The following ZNF438 variants were observed in gnomAD, a reference collection of about 807,000 sequenced individuals.
The protein encoded by ZNF438 is zinc finger protein 438.
In ZNF438, 25 loss-of-function variants were observed where a neutral mutation model predicts 38.0. That is an observed-to-expected ratio of 0.66 (90% confidence interval 0.48 to 0.92). The LOEUF (loss-of-function observed/expected upper bound fraction) is 0.92, where lower values mean the gene tolerates loss of function less well. ZNF438 is among the 40% of genes least tolerant of loss of function. ZNF438 has a pLI of 0.00. For synonymous variants in ZNF438, 372 were observed against 364.1 expected (o/e 1.02, Z -0.25); for missense variants, 1,007 against 999.6 (o/e 1.01, Z -0.10).
At chr10:30,845,437 C>T (rs1339136025) in exon 6 of ZNF438, 5 of 1,614,160 alleles carry the variant, frequency 3.1e-6, no homozygotes, top group Admixed American at 1.7e-5. Flanking sequence ...ATTTCCTCTC[C>T]ATGAACATCA....
intron 4 of ZNF438, among the ~76,000 whole-genome samples, chr10:30,872,577 C>T (rs1227803148): frequency 1.3e-5 from 2 of 150,886 alleles, no homozygotes; most frequent in East Asian, 2.0e-4. Context: ...GGTGAAACCC[C>T]GTCTTGACTA....
chr10:30,963,392 C>CAAAAAAAAAAAAAAAAAAAA (rs753557823), intron 1 of ZNF438, among the ~76,000 whole-genome samples: 1 of 86,056 alleles, frequency 1.2e-5, no homozygotes. Context: ...AACTCCATCT[C>CAAAAAAAAAAAAAAAAAAAA]AAAAAAAAAA....
At chr10:31,022,443 T>C (rs552468005) in intron 1 of ZNF438, among the ~76,000 whole-genome samples, 242 of 152,186 alleles carry the variant, frequency 1.6e-3, no homozygotes, top group Non-Finnish European at 2.4e-3. Flanking sequence ...GTATTTTTAG[T>C]AGAGACAGGG....
At chr10:30,993,164 AAG>A (rs776362987) in intron 1 of ZNF438, among the ~76,000 whole-genome samples, 7 of 152,228 alleles carry the variant, frequency 4.6e-5, no homozygotes, top group Non-Finnish European at 1.0e-4. Context: ...CCATTTGCTA[AAG>A]AGATTCATAT....
intron 1 of ZNF438, among the ~76,000 whole-genome samples, chr10:30,953,712 T>C (rs1356607637): frequency 6.7e-6 from 1 of 149,192 alleles, no homozygotes; most frequent in Non-Finnish European, 1.5e-5. Context: ...GGACCAGAGG[T>C]GAGCAGAAGC....
At chr10:30,954,435 C>T (rs560837566) in intron 1 of ZNF438, among the ~76,000 whole-genome samples, 42 of 152,274 alleles carry the variant, frequency 2.8e-4, no homozygotes, top group South Asian at 8.3e-4. Context: ...ACCAGTAAAG[C>T]GTGGTTTCAG....
intron 1 of ZNF438, among the ~76,000 whole-genome samples, chr10:31,021,866 C>T (rs1022089858): frequency 1.3e-5 from 2 of 152,134 alleles, no homozygotes; most frequent in African/African-American, 4.8e-5. Flanking sequence ...TGACAAATGA[C>T]CAATTGAGAG....
chr10:30,986,012 T>C (rs371668269), intron 1 of ZNF438, among the ~76,000 whole-genome samples: 245 of 152,342 alleles, frequency 1.6e-3, no homozygotes, highest in Middle Eastern at 0.01. Flanking sequence ...TATTTACTAT[T>C]GTGTTACAAT....
At chr10:30,907,516 A>G (rs928154116) in intron 3 of ZNF438, among the ~76,000 whole-genome samples, 9 of 152,098 alleles carry the variant, frequency 5.9e-5, no homozygotes, top group African/African-American at 2.2e-4. Flanking sequence ...TGAAGGGGGA[A>G]ATTTTTAAAA....
intron 3 of ZNF438, among the ~76,000 whole-genome samples, chr10:30,889,811 A>G (rs572764003): frequency 6.6e-6 from 1 of 152,242 alleles, no homozygotes; most frequent in Non-Finnish European, 1.5e-5. Flanking sequence ...AAACCTGGGG[A>G]ACTGAGTGGG....
intron 2 of ZNF438, among the ~76,000 whole-genome samples, chr10:30,928,091 T>G (rs1372648659): frequency 6.6e-6 from 1 of 152,182 alleles, no homozygotes; most frequent in Non-Finnish European, 1.5e-5. Context: ...TTACTTTCTA[T>G]TTCATTAAGT....
chr10:30,997,107 G>A (rs969569649), intron 1 of ZNF438, among the ~76,000 whole-genome samples: 3 of 152,030 alleles, frequency 2.0e-5, no homozygotes, highest in Admixed American at 6.6e-5. Flanking sequence ...ATCTCAAGTG[G>A]ATAATCTAAT....
Position 30,863,078 on chromosome 10 carries a change from T to C in ZNF438, c.38-12711A>G, listed in dbSNP as rs540804392. On this transcript the variant is annotated intron_variant, in intron 4 of 5. Transcript: ENST00000413025. The stretch of plus-strand genomic sequence containing the variant: ...GCTGCACGTTTTTCTATACCTCAGC[T>C]TTTATGTCAAATAGTTCATGATTTG... Among the ~76,000 whole-genome samples the C allele has an allele frequency of 3.3e-5, 5 of 152,314 alleles. No individual in the cohort carries two copies. The South Asian group carries it at 1.0e-3, about 32-fold the overall frequency.
At chr10:30,949,716 A>G (rs1293365575) in intron 1 of ZNF438, among the ~76,000 whole-genome samples, 1 of 152,014 alleles carries the variant, frequency 6.6e-6, no homozygotes, top group Non-Finnish European at 1.5e-5. Flanking sequence ...ATATATATGC[A>G]CCCAATACAG....
intron 1 of ZNF438, among the ~76,000 whole-genome samples, chr10:30,966,168 C>T (rs1313773281): frequency 6.6e-6 from 1 of 151,676 alleles, no homozygotes; most frequent in African/African-American, 2.4e-5. Context: ...CCTGTCTCTA[C>T]AAAATGAAAA....
rs116701003 is a variant in ZNF438, at chr10:30,918,167, C to A, written c.-114-9152G>T. Reference sequence around the variant, plus strand: ...ATTTATTAGTTTATCCTTATGGCAGCACCATGCTATCTGGATTACTGCAGC... The same window carrying A: ...ATTTATTAGTTTATCCTTATGGCAGAACCATGCTATCTGGATTACTGCAGC... On this transcript the variant is annotated intron_variant, in intron 2 of 5. Coordinates refer to ENST00000413025, the Ensembl canonical transcript of ZNF438. Among the ~76,000 whole-genome samples the A allele has an allele frequency of 5.9e-3, 895 of 152,272 alleles. 8 individuals are homozygous for A. The highest frequency in any genetic ancestry group is 0.021 in the African/African-American group (862 of 41,560).
At chr10:30,882,164 TAAAG>T (rs1048628022) in intron 3 of ZNF438, among the ~76,000 whole-genome samples, 6 of 152,082 alleles carry the variant, frequency 3.9e-5, no homozygotes, top group Non-Finnish European at 2.9e-5. Context: ...AATAATCTGA[TAAAG>T]AAATTGTATA....
At chr10:30,996,075 G>A (rs1477867397) in intron 1 of ZNF438, among the ~76,000 whole-genome samples, 1 of 152,032 alleles carries the variant, frequency 6.6e-6, no homozygotes, top group Non-Finnish European at 1.5e-5. Context: ...AAACCCTGGA[G>A]CAACCACTAA....
chr10:30,991,341 C>G (rs1231180481), intron 1 of ZNF438, among the ~76,000 whole-genome samples: 1 of 152,202 alleles, frequency 6.6e-6, no homozygotes, highest in Non-Finnish European at 1.5e-5. Flanking sequence ...CTTCCTTACT[C>G]TAGCCAGCCC....
Sources: allele counts gnomAD v4.1 joint callset (sites outside exome capture counted in the v4.1 genomes callset), GRCh38; gene constraint gnomAD v4.1.1; transcripts MANE v1.5; gene names NCBI Gene and HGNC (gene_info 2026-07-23, HGNC 2026-07-21).